Variants in IGSF5 observed in about 807,000 individuals in gnomAD.
IGSF5 encodes immunoglobulin superfamily 5 like.
IGSF5 carries 41 observed loss-of-function variants against 39.4 expected under a neutral mutation model. The ratio of observed to expected loss-of-function variants is 1.04; its 90% CI spans 0.81 to 1.35. IGSF5 has a LOEUF of 1.35. Among genes scored for constraint, IGSF5 ranks in the 40% most tolerant of loss-of-function variants. The pLI, the probability that IGSF5 is intolerant of heterozygous loss-of-function variation, is 0.00. For missense variants in IGSF5, 487 were observed against 494.6 expected (o/e 0.98, Z 0.15); for synonymous variants, 183 against 175.3 (o/e 1.04, Z -0.34).
intron 5 of IGSF5, among the ~76,000 whole-genome samples, chr21:39,780,582 TAGAA>T (rs1350049197): frequency 6.6e-6 from 1 of 152,184 alleles, no homozygotes; most frequent in African/African-American, 2.4e-5. Context: ...AATAGAGTGG[TAGAA>T]AGAAAAAATA....
chr21:39,781,850 C>T (rs1298640457), intron 5 of IGSF5, among the ~76,000 whole-genome samples: 2 of 152,200 alleles, frequency 1.3e-5, no homozygotes, highest in South Asian at 2.1e-4. Context: ...GCTTTTTACT[C>T]CTTCTAATTT....
chr21:39,756,869 G>A (rs1037755330), intron 2 of IGSF5, among the ~76,000 whole-genome samples: 1 of 152,016 alleles, frequency 6.6e-6, no homozygotes, highest in Admixed American at 6.6e-5. Flanking sequence ...AACAAAGGGG[G>A]TTGGAAGGAA....
intron 5 of IGSF5, among the ~76,000 whole-genome samples, chr21:39,780,069 C>T (rs551925252): frequency 1.3e-4 from 20 of 152,222 alleles, no homozygotes; most frequent in Admixed American, 3.3e-4. Flanking sequence ...CACAAAATAG[C>T]GATGAATATG....
At chr21:39,761,549 C>T (rs1369037202) in intron 2 of IGSF5, among the ~76,000 whole-genome samples, 1 of 152,152 alleles carries the variant, frequency 6.6e-6, no homozygotes, top group Non-Finnish European at 1.5e-5. Context: ...CTGCAAGGAA[C>T]TTAAATCAAC....
intron 8 of IGSF5, among the ~76,000 whole-genome samples, chr21:39,799,148 C>T (rs941353401): frequency 6.6e-6 from 1 of 152,346 alleles, no homozygotes; most frequent in African/African-American, 2.4e-5. Flanking sequence ...TAAGCACCCT[C>T]TCCTGCCAAT....
upstream of IGSF5, among the ~76,000 whole-genome samples, chr21:39,745,157 ATC>A (rs35473597): frequency 7.6e-5 from 11 of 145,608 alleles, no homozygotes; most frequent in African/African-American, 1.3e-4. Context: ...CTCTCTCTTC[ATC>A]TCTCTCTCTC....
At chr21:39,790,873 C>T (rs1490607559) in intron 6 of IGSF5, among the ~76,000 whole-genome samples, 1 of 152,056 alleles carries the variant, frequency 6.6e-6, no homozygotes, top group Non-Finnish European at 1.5e-5. Context: ...AATAAAGAAG[C>T]AGTACAGTAT....
the IGSF5 span, among the ~76,000 whole-genome samples, chr21:39,739,834 C>A: frequency 5.3e-5 from 8 of 152,282 alleles, no homozygotes; most frequent in African/African-American, 1.9e-4. Context: ...TGTAGTTTTA[C>A]AGCTTTAATT....
intron 5 of IGSF5, 96 bp downstream of exon 5, chr21:39,779,401 T>C: frequency 2.1e-6 from 3 of 1,417,136 alleles, no homozygotes; most frequent in South Asian, 2.7e-5. Flanking sequence ...AAAAGATAGA[T>C]TAACTACAAT....
intron 8 of IGSF5, 110 bp from the exon 9 acceptor site, chr21:39,801,152 T>C (rs1007314188): frequency 5.3e-6 from 4 of 750,966 alleles, no homozygotes. Flanking sequence ...TTTTTGTTCC[T>C]CTCCGTACCT....
At chr21:39,736,944 C>A in the IGSF5 span, among the ~76,000 whole-genome samples, 1 of 152,132 alleles carries the variant, frequency 6.6e-6, no homozygotes, top group East Asian at 1.9e-4. Flanking sequence ...ACACAGGGCA[C>A]AAATGCACTA....
the IGSF5 span, chr21:39,725,984 A>G: frequency 0.32 from 48,950 of 152,078 alleles, 9,082 homozygotes; most frequent in African/African-American, 0.52. Flanking sequence ...GCGGGTCCCA[A>G]TGGAGGCGAA....
chr21:39,756,935 C>A (rs2080033443), intron 2 of IGSF5, among the ~76,000 whole-genome samples: 1 of 152,064 alleles, frequency 6.6e-6, no homozygotes, highest in Non-Finnish European at 1.5e-5. Context: ...TCTGGCCAGG[C>A]TTTACCCCAT....
intron 2 of IGSF5, among the ~76,000 whole-genome samples, chr21:39,755,076 C>G (rs922375168): frequency 2.0e-5 from 3 of 152,192 alleles, no homozygotes; most frequent in African/African-American, 7.2e-5. Flanking sequence ...TGTTGCCTGA[C>G]TCTACCTGCT....
intron 6 of IGSF5, among the ~76,000 whole-genome samples, chr21:39,788,402 T>C (rs2086937464): frequency 6.6e-6 from 1 of 152,232 alleles, no homozygotes; most frequent in African/African-American, 2.4e-5. Context: ...GGGTTGCCAC[T>C]GCCTACCTTT....
At chr21:39,748,371 C>T (rs8131927) in intron 2 of IGSF5, among the ~76,000 whole-genome samples, 25,489 of 126,838 alleles carry the variant, frequency 0.2, 3,596 homozygotes, top group African/African-American at 0.42. Context: ...AGTGCAGTGG[C>T]GCAATCTCGG....
intron 2 of IGSF5, among the ~76,000 whole-genome samples, chr21:39,753,652 T>C (rs534529823): frequency 1.3e-5 from 2 of 152,324 alleles, no homozygotes; most frequent in Admixed American, 1.3e-4. Context: ...AAAATCTGGG[T>C]GCTCCATTGT....
At chr21:39,757,801 T>G (rs1391659753) in intron 2 of IGSF5, among the ~76,000 whole-genome samples, 1 of 152,132 alleles carries the variant, frequency 6.6e-6, no homozygotes, top group East Asian at 1.9e-4. Flanking sequence ...GATCTCGAAC[T>G]CCTGACCTCA....
the IGSF5 span, among the ~76,000 whole-genome samples, chr21:39,725,644 C>A: frequency 2.6e-5 from 4 of 152,170 alleles, no homozygotes; most frequent in Admixed American, 6.5e-5. Context: ...CAGATGACAA[C>A]TTTTCCCACA....
Sources: gnomAD v4.1 joint callset for allele counts (sites outside exome capture counted in the v4.1 genomes callset) on GRCh38, gnomAD v4.1.1 for gene constraint, MANE v1.5 for transcripts, NCBI Gene and HGNC (gene_info 2026-07-23, HGNC 2026-07-21) for gene names.